PIF1: variants seen among roughly 807,000 people sequenced by gnomAD.
The protein encoded by PIF1 is PIF1 5'-to-3' DNA helicase.
A neutral mutation model predicts 62.3 loss-of-function variants in PIF1; 67 were observed. The ratio of observed to expected loss-of-function variants is 1.08; its 90% confidence interval spans 0.88 to 1.32. PIF1 has a LOEUF of 1.32. Among genes scored for constraint, PIF1 ranks in the 40% most tolerant of loss-of-function variants. PIF1 has a pLI of 0.00. For missense variants in PIF1, 886 were observed against 866.1 expected (o/e 1.02, Z -0.29); for synonymous variants, 364 against 379.5 (o/e 0.96, Z 0.47).
At chr15:64,821,569 T>C (rs982535688) in intron 4 of PIF1, 49 bp from the exon 5 acceptor site, 6 of 208,368 alleles carry the variant, frequency 2.9e-5, no homozygotes, top group African/African-American at 9.7e-5. Context: ...GCCTCTCTTT[T>C]TTTTTTTTTT....
In PIF1 at chr15:64,821,231, C is replaced by T; in HGVS notation, c.1022G>A (p.Cys341Tyr). Reference protein sequence around the residue: ...KPFGGIQLIICGDFLQLPPVT... With the variant: ...KPFGGIQLIIYGDFLQLPPVT... ...AGGTGGCAGCTGCAGAAAGTCCCCA[C>T]AGATGATGAGCTGGATCCCTCCGAA... Residue 341 changes from cysteine to tyrosine, a missense_variant, in exon 6 of 13, where the codon TGT becomes TAT. Cys to Tyr is a radical substitution (Grantham distance 194). Coordinates refer to ENST00000559239, the MANE Select transcript of PIF1 (RefSeq NM_001286496.2). 1 of 1,614,246 alleles carries T rather than the reference C, an allele frequency of 6.2e-7. No homozygotes were observed. Among genetic ancestry groups the T allele is most frequent in the East Asian group, 2.2e-5 (1 of 44,892 alleles).
Position 64,823,836 on chromosome 15 carries a change from G to A in PIF1, c.500C>T (p.Pro167Leu), listed in dbSNP as rs908320996. ...AGGCCGCTTCACCAGCGTAGTGTCC[G>A]GAACCCGGGTGGCCGCCCTGAGCCG... is the stretch of plus-strand genomic sequence containing the variant. ...ERRLRAATRV[P>L]DTTLVKRPVE... is the part of the protein sequence containing the mutation. Residue 167 changes from proline (P) to leucine (L), a missense_variant, in exon 2 of 13, where the codon CCG becomes CTG. Pro to Leu is a moderately conservative substitution (Grantham distance 98). Coordinates refer to ENST00000559239, the MANE Select transcript of PIF1 (RefSeq NM_001286496.2). 1.2e-5 allele frequency: 17 copies of A among 1,374,378 alleles called. No homozygotes were observed. The highest frequency in any genetic ancestry group is 1.2e-5 in the Non-Finnish European group (13 of 1,053,322). The allele number at this position is 1,374,378 out of a possible 1,614,324, so 85.1% of individuals were successfully genotyped here. A position where few individuals can be genotyped will look rare whatever the true frequency, so the allele number is the denominator to read the frequency against.
intron 9 of PIF1, 82 bp from the exon 10 acceptor site, chr15:64,818,426 G>T: frequency 7.6e-7 from 1 of 1,317,608 alleles, no homozygotes; most frequent in Non-Finnish European, 1.1e-6. Context: ...CTCAGAGGCT[G>T]AGGGCAGGGA....
At position 64,819,128 on chromosome 15, in the gene PIF1, G is replaced by T; in HGVS notation, c.1429C>A (p.Leu477Met). 1 of 1,591,106 alleles carries T rather than the reference G, an allele frequency of 6.3e-7. No homozygotes were observed. ...CPVSQLLQLKLGAQVMLVKNL... is the reference protein window; with the variant it reads ...CPVSQLLQLKMGAQVMLVKNL... The stretch of plus-strand genomic sequence containing the variant: ...TGCTTCCCACTCACCTGGGCCCCCA[G>T]CTTTAGTTGAAGGAGCTGGCTAACA... The change falls in exon 9 of 13, where the codon CTG (leucine) becomes ATG (methionine). Residue 477 changes from leucine (L) to methionine (M), a missense_variant. Coordinates refer to ENST00000559239, the MANE Select transcript of PIF1 (RefSeq NM_001286496.2).
At position 64,818,309 on chromosome 15, in the gene PIF1, GC is replaced by G. The variant is rs756249645; in HGVS notation, c.1475del (p.Gly492AlafsTer3). ...CCACCCCTCGGGCACCATTCACCAG[GC>G]CCCGAGACACCGATAAGTTTTTCAC... ...MLVKNLSVSR[G>X]LVNGARGVVV... On this transcript the variant is annotated frameshift_variant, in exon 10 of 13. Coordinates refer to ENST00000559239, the MANE Select transcript of PIF1 (RefSeq NM_001286496.2). LOFTEE classifies it high-confidence loss of function. 6 of 1,613,824 alleles carry G rather than the reference GC, an allele frequency of 3.7e-6. No individual in the cohort carries two copies. Among genetic ancestry groups the G allele is most frequent in the African/African-American group, 1.3e-5 (1 of 74,826 alleles).
At position 64,818,106 on chromosome 15, in the gene PIF1, G is replaced by A. The variant is rs758777715; in HGVS notation, c.1529-15C>T. The A allele has an allele frequency of 6.2e-7, 1 of 1,613,518 alleles. No homozygotes were observed. The highest frequency in any genetic ancestry group is 1.1e-5 in the South Asian group (1 of 91,000). On this transcript the variant is annotated splice_polypyrimidine_tract_variant and intron_variant, in intron 10 of 12. Transcript: ENST00000559239. Reference sequence around the variant, plus strand: ...CTGGGGTAGCCCTAAGGAGAGCATGGAGCAGTCCAACTTTAGCTCTGCTTC... The same window carrying A: ...CTGGGGTAGCCCTAAGGAGAGCATGAAGCAGTCCAACTTTAGCTCTGCTTC...
chr15:64,822,204 C>T, intron 4 of PIF1, 62 bp downstream of exon 4: 2 of 1,574,440 alleles, frequency 1.3e-6, no homozygotes, highest in Non-Finnish European at 1.7e-6. Flanking sequence ...GCAGACCTCC[C>T]CTCTCTCCCT....
intron 5 of PIF1, 39 bp from the exon 6 acceptor site, chr15:64,821,320 G>C (rs1331582427): frequency 6.2e-7 from 1 of 1,614,072 alleles, no homozygotes; most frequent in Admixed American, 1.7e-5. Context: ...GCACACAGAA[G>C]ACCACCAGGT....
Position 64,824,351 on chromosome 15 carries a change from T to C in PIF1, c.-16A>G. 8.0e-7 allele frequency: 1 copy of C among 1,245,446 alleles called. No homozygotes were observed. Among genetic ancestry groups the C allele is most frequent in the Non-Finnish European group, 1.0e-6 (1 of 994,392 alleles). 77.1% of individuals were successfully genotyped at this position (1,245,446 alleles called of 1,614,324 possible). ...CCGAGAGCATCGTCACCGCCTCTGC[T>C]GGTCTGCGAAGACACCGGAGCACAG... On this transcript the variant is annotated 5_prime_UTR_variant, in exon 2 of 13. Coordinates refer to ENST00000559239, the MANE Select transcript of PIF1 (RefSeq NM_001286496.2).
chr15:64,815,819 CTG>C lies in PIF1; in HGVS notation c.*477_*478del. On this transcript the variant is annotated 3_prime_UTR_variant, in exon 13 of 13. Transcript: ENST00000559239. ...CTGGGCTGGGCTAGGCTGGGCCTAGCTGTAGAGACACACCTAAGTTCCGTTCT... is the reference window on the plus strand; with the variant it reads ...CTGGGCTGGGCTAGGCTGGGCCTAGCTAGAGACACACCTAAGTTCCGTTCT... 1 of 1,550,630 alleles carries C rather than the reference CTG, an allele frequency of 6.4e-7. No individual in the cohort carries two copies. The highest frequency in any genetic ancestry group is 8.7e-7 in the Non-Finnish European group (1 of 1,147,006).
At chr15:64,817,561 T>G (rs2084206115) in intron 11 of PIF1, among the ~76,000 whole-genome samples, 1 of 144,910 alleles carries the variant, frequency 6.9e-6, no homozygotes, top group South Asian at 2.2e-4. Flanking sequence ...TAAACTAAAA[T>G]AAAATAAAAA....
At chr15:64,818,745 A>C (rs2084234394) in intron 9 of PIF1, 1 of 296,916 alleles carries the variant, frequency 3.4e-6, no homozygotes, top group Non-Finnish European at 6.2e-6. Flanking sequence ...GCCCTAAGGA[A>C]AATCTTCTGC....
Position 64,816,245 on chromosome 15 carries a change from AG to A in PIF1, c.*52del, listed in dbSNP as rs1312055847. ...CTGGGGCCCTGGGCCACTAGGGAGC[AG>A]GAGGACGGGGAGGCCACAGGCCACC... On this transcript the variant is annotated 3_prime_UTR_variant, in exon 13 of 13. Transcript: ENST00000559239. 2 of 1,610,946 alleles carry A rather than the reference AG, an allele frequency of 1.2e-6. No homozygotes were observed. The highest frequency in any genetic ancestry group is 1.7e-6 in the Non-Finnish European group (2 of 1,179,128).
intron 7 of PIF1, among the ~76,000 whole-genome samples, chr15:64,820,554 G>A (rs949865656): frequency 1.1e-4 from 17 of 152,158 alleles, no homozygotes; most frequent in Admixed American, 9.2e-4. Flanking sequence ...GTGCCACCAC[G>A]CCCAGCTAAT....
intron 12 of PIF1, 93 bp from the exon 13 acceptor site, chr15:64,816,450 C>T (rs2084184436): frequency 6.9e-6 from 11 of 1,598,488 alleles, no homozygotes; most frequent in Non-Finnish European, 8.6e-6. Flanking sequence ...TTGCCCTCAC[C>T]CCTAAAGGAG....
Position 64,824,273 on chromosome 15 carries a change from C to A in PIF1, c.63G>T (p.Val21=), listed in dbSNP as rs1195813332. 2 of 1,281,874 alleles carry A rather than the reference C, an allele frequency of 1.6e-6. No individual in the cohort carries two copies. Among genetic ancestry groups the A allele is most frequent in the South Asian group, 2.5e-5 (1 of 39,602 alleles). The allele number at this position is 1,281,874 out of a possible 1,614,324, so 79.4% of individuals were successfully genotyped here. Residue 21 remains valine, a synonymous_variant, in exon 2 of 13, where the codon GTG becomes GTT. Transcript: ENST00000559239. ...EYEDSELRCR[V]AVEELSPGGQ... Reference sequence around the variant, plus strand: ...CGCCCGGGCTCAGCTCCTCCACAGCCACGCGGCACCGCAGCTCCGAGTCCT... The same window carrying A: ...CGCCCGGGCTCAGCTCCTCCACAGCAACGCGGCACCGCAGCTCCGAGTCCT...
In PIF1 at chr15:64,822,499, T is replaced by C. The variant is rs1222155925; in HGVS notation, c.670A>G (p.Ile224Val). 1.2e-6 allele frequency: 2 copies of C among 1,613,904 alleles called. No individual in the cohort carries two copies. Among genetic ancestry groups the C allele is most frequent in the Admixed American group, 1.7e-5 (1 of 60,006 alleles). Residue 224 changes from isoleucine (I) to valine (V), a missense_variant, in exon 3 of 13, where the codon ATC becomes GTC. Physicochemically the swap from Ile to Val is conservative, Grantham distance 29 (BLOSUM62 3). Coordinates refer to ENST00000559239, the MANE Select transcript of PIF1 (RefSeq NM_001286496.2). ...CTACCTGCACTCCCAGTGAAGAAGA[T>C]GCTCTGGCCTTTCAGGACGGCCCTC... ...VLRAVLKGQSIFFTGSAGTGK... is the reference protein window; with the variant it reads ...VLRAVLKGQSVFFTGSAGTGK...
At chr15:64,817,122 T>C (rs1319461015) in intron 11 of PIF1, among the ~76,000 whole-genome samples, 1 of 152,032 alleles carries the variant, frequency 6.6e-6, no homozygotes, top group African/African-American at 2.4e-5. Context: ...TTATACTTGA[T>C]ACAGTGGTTG....
At chr15:64,822,942 A>G (rs1370525771) in intron 2 of PIF1, among the ~76,000 whole-genome samples, 1 of 151,872 alleles carries the variant, frequency 6.6e-6, no homozygotes, top group Non-Finnish European at 1.5e-5. Context: ...TCCTATCACA[A>G]ACCTGTTTCT....
Sources: gnomAD v4.1 joint callset for allele counts (sites outside exome capture counted in the v4.1 genomes callset) on GRCh38, gnomAD v4.1.1 for gene constraint, MANE v1.5 for transcripts, NCBI Gene and HGNC (gene_info 2026-07-23, HGNC 2026-07-21) for gene names.